The following NFASC variants were observed in gnomAD, a reference collection of about 807,000 sequenced individuals.
The protein encoded by NFASC is neurofascin.
A neutral mutation model predicts 147.5 loss-of-function variants in NFASC; 43 were observed. The observed-to-expected ratio is 0.29, with a 90% CI of 0.23 to 0.38. NFASC has a LOEUF of 0.38. NFASC is among the 10% of genes least tolerant of loss of function. NFASC has a pLI of 1.00. For synonymous variants in NFASC, 622 were observed against 665.5 expected (o/e 0.93, Z 1.01); for missense variants, 1,320 against 1,689.0 (o/e 0.78, Z 3.83).
intron 1 of NFASC, chr1:204,871,187 A>G: frequency 9.9e-7 from 1 of 1,013,076 alleles, no homozygotes; most frequent in Non-Finnish European, 1.3e-6. Flanking sequence ...CTTTCCCAAC[A>G]AAGCTAAGAC....
At chr1:204,892,194 G>A (rs1026649930) in intron 1 of NFASC, among the ~76,000 whole-genome samples, 7 of 152,286 alleles carry the variant, frequency 4.6e-5, no homozygotes, top group Non-Finnish European at 7.3e-5. Flanking sequence ...TTTTTGCTAG[G>A]TTAGCTTAAC....
intron 1 of NFASC, among the ~76,000 whole-genome samples, chr1:204,840,973 G>T (rs1032205703): frequency 6.6e-6 from 1 of 152,218 alleles, no homozygotes; most frequent in Non-Finnish European, 1.5e-5. Flanking sequence ...AAGTGGTCCT[G>T]TAGATGCTAG....
At chr1:204,859,591 A>G (rs576551847) in intron 1 of NFASC, among the ~76,000 whole-genome samples, 6 of 152,348 alleles carry the variant, frequency 3.9e-5, no homozygotes, top group African/African-American at 9.6e-5. Flanking sequence ...TGAGACAACA[A>G]CTGGGTCTTG....
At position 204,973,256 on chromosome 1, in the gene NFASC, C is replaced by A. The variant is rs199882735; in HGVS notation, c.1136-20C>A. 2 of 1,613,384 alleles carry A rather than the reference C, an allele frequency of 1.2e-6. No individual in the cohort carries two copies. The highest frequency in any genetic ancestry group is 3.3e-5 in the Admixed American group (2 of 60,018). The stretch of plus-strand genomic sequence containing the variant: ...TGCCCTCCCCATCTCTCATGAGGAG[C>A]GTCTCTTTCTTGTCTGTAGCGGCAC... On this transcript the variant is annotated intron_variant, in intron 11 of 29. Coordinates refer to ENST00000339876, the MANE Select transcript of NFASC (RefSeq NM_001005388.3).
At chr1:204,995,112 C>T (rs1270449079) in intron 24 of NFASC, among the ~76,000 whole-genome samples, 1 of 152,102 alleles carries the variant, frequency 6.6e-6, no homozygotes, top group Non-Finnish European at 1.5e-5. Context: ...AGAGCAAGAT[C>T]CCGTCTCAAT....
intron 1 of NFASC, among the ~76,000 whole-genome samples, chr1:204,876,324 T>A (rs1201778633): frequency 6.6e-6 from 1 of 152,136 alleles, no homozygotes; most frequent in Admixed American, 6.5e-5. Context: ...AGCCCCTGCA[T>A]ATTTTAAGGA....
rs530678027 is a variant in NFASC at position 204,968,154 on chromosome 1, C to A, written c.707-95C>A. ...TTCAGCTGGGAGGATCCGGCAGGGGCGGTGATGCCACTTCTCTCTAGCCTG... is the reference window on the plus strand; with the variant it reads ...TTCAGCTGGGAGGATCCGGCAGGGGAGGTGATGCCACTTCTCTCTAGCCTG... On this transcript the variant is annotated intron_variant, in intron 8 of 29. Coordinates refer to ENST00000339876, the MANE Select transcript of NFASC (RefSeq NM_001005388.3). This position sits in a 1 kb window ranked among gnomAD's most constrained non-coding sequence, Gnocchi z 5.4. 6 of 863,958 alleles carry A rather than the reference C, an allele frequency of 6.9e-6. No homozygotes were observed. The African/African-American group carries it at 9.9e-5, about 14-fold the overall frequency. The allele number at this position is 863,958 out of a possible 1,614,324, so 53.5% of individuals were successfully genotyped here.
chr1:204,977,620 T>C, intron 16 of NFASC, 61 bp from the exon 17 acceptor site: 8 of 1,541,056 alleles, frequency 5.2e-6, no homozygotes, highest in Non-Finnish European at 7.1e-6. Flanking sequence ...CCCCCATCCT[T>C]CTAGAACACC....
At chr1:204,949,829 A>C (rs2093993393) in intron 3 of NFASC, among the ~76,000 whole-genome samples, 1 of 152,228 alleles carries the variant, frequency 6.6e-6, no homozygotes, top group Non-Finnish European at 1.5e-5. Flanking sequence ...ATACAAGCAC[A>C]TGCACACTTC....
chr1:204,854,038 C>T (rs906729683), intron 1 of NFASC, among the ~76,000 whole-genome samples: 2 of 152,200 alleles, frequency 1.3e-5, no homozygotes, highest in African/African-American at 4.8e-5. Flanking sequence ...TTAGCATAAT[C>T]TCATAGCTAA....
At chr1:204,978,046 G>A (rs540036319) in intron 17 of NFASC, among the ~76,000 whole-genome samples, 45 of 152,332 alleles carry the variant, frequency 3.0e-4, no homozygotes, top group Admixed American at 4.6e-4. Flanking sequence ...CAGGGAATGC[G>A]AAAGCCTGCT....
rs1343994068 is a variant in NFASC, at chr1:205,002,717, C to T, written c.3258C>T (p.Ser1086=). ...RVYSRDNEGI[S]STVITFMTST... Reference sequence around the variant, plus strand: ...ATTCCCGGGACAACGAGGGCATCAGCAGTACCGTCATCACCTTTATGACCA... The same window carrying T: ...ATTCCCGGGACAACGAGGGCATCAGTAGTACCGTCATCACCTTTATGACCA... Residue 1086 remains serine, a synonymous_variant, in exon 27 of 30, where the codon AGC becomes AGT. Transcript: ENST00000339876. 8.9e-6 allele frequency: 14 copies of T among 1,564,708 alleles called. No individual in the cohort carries two copies. The highest frequency in any genetic ancestry group is 1.2e-5 in the Non-Finnish European group (14 of 1,144,996).
intron 3 of NFASC, 66 bp downstream of exon 3, chr1:204,944,472 G>GGCA: frequency 2.5e-6 from 1 of 402,580 alleles, no homozygotes; most frequent in Non-Finnish European, 5.0e-6. Flanking sequence ...GGAGGGGAGG[G>GGCA]AAGGTCAGAG....
rs200515473 is a variant in NFASC, at chr1:204,915,271, ACT to A, written c.-199-5358_-199-5357del. ...ACTCCAGCCTGGACAACAGAGCAAG[ACT>A]CTGTCTCAAAAAAATAAAAATAAAA... On this transcript the variant is annotated intron_variant, in intron 1 of 29. Transcript: ENST00000339876. Among the ~76,000 whole-genome samples, 1,484 of 152,248 alleles carry A rather than the reference ACT, an allele frequency of 9.7e-3. 26 individuals carry two copies. The highest frequency in any genetic ancestry group is 0.034 in the African/African-American group (1,403 of 41,526).
At chr1:205,013,845 C>T (rs553121652) in intron 29 of NFASC, among the ~76,000 whole-genome samples, 15 of 152,286 alleles carry the variant, frequency 9.8e-5, no homozygotes, top group Middle Eastern at 6.8e-3. Context: ...CCACTCTGCC[C>T]ATCAGCCTGG....
chr1:204,944,472 G>GGGGC, intron 3 of NFASC, 66 bp downstream of exon 3: 5 of 402,568 alleles, frequency 1.2e-5, no homozygotes, highest in East Asian at 6.4e-5. Flanking sequence ...GGAGGGGAGG[G>GGGGC]AAGGTCAGAG....
At chr1:204,997,562 G>A (rs2794858) in intron 25 of NFASC, 156 bp downstream of exon 25, 791,124 of 823,966 alleles carry the variant, frequency 0.96, 381,605 homozygotes, top group East Asian at 1. Flanking sequence ...ACCCGTGACT[G>A]GATGCTCAGT....
chr1:204,944,455 A>ATGT, intron 3 of NFASC, 49 bp downstream of exon 3: 2 of 385,414 alleles, frequency 5.2e-6, no homozygotes, highest in Non-Finnish European at 1.0e-5. Context: ...TTTTGGGCAG[A>ATGT]GGGGTGGGAG....
At chr1:204,970,808 C>T (rs2095218196) in intron 11 of NFASC, 61 bp downstream of exon 11, 1 of 1,601,142 alleles carries the variant, frequency 6.2e-7, no homozygotes, top group Non-Finnish European at 8.6e-7. Flanking sequence ...GGCTTCAGAT[C>T]CCCATCACTG....
Sources: gnomAD v4.1 joint callset for allele counts (sites outside exome capture counted in the v4.1 genomes callset) on GRCh38, gnomAD v4.1.1 for gene constraint, Gnocchi (gnomAD v3.1) non-coding constraint, MANE v1.5 for transcripts, NCBI Gene and HGNC (gene_info 2026-07-23, HGNC 2026-07-21) for gene names.